SLC25A13: variants seen among roughly 807,000 people sequenced by gnomAD.
SLC25A13 encodes solute carrier family 25 member 13, also known as electrogenic aspartate/glutamate antiporter SLC25A13, mitochondrial.
SLC25A13 carries 70 observed loss-of-function variants against 85.5 expected under a neutral mutation model. The ratio of observed to expected loss-of-function variants is 0.82; its 90% CI spans 0.68 to 1.00. SLC25A13 has a LOEUF of 1.00. SLC25A13 is among the 50% of genes least tolerant of loss of function. The pLI is 0.00. For synonymous variants in SLC25A13, 259 were observed against 288.7 expected, an observed-to-expected ratio of 0.90 and a Z score of 1.04; for missense variants, 765 against 819.8, an observed-to-expected ratio of 0.93 and a Z score of 0.82.
In SLC25A13 at chr7:96,144,418, G is replaced by T. The variant is rs76207115; in HGVS notation, c.1452+2138C>A. On this transcript the variant is annotated intron_variant, in intron 14 of 17. Coordinates refer to ENST00000265631, the MANE Select transcript of SLC25A13 (RefSeq NM_014251.3). The stretch of plus-strand genomic sequence containing the variant: ...GTCACTTTCTTGCAACAAAATCAAG[G>T]TTCCAGAAGCTCAAAGCATTACTGA... Among the ~76,000 whole-genome samples the T allele has an allele frequency of 6.2e-3, 945 of 152,226 alleles. 9 individuals carry two copies. Among genetic ancestry groups the T allele is most frequent in the African/African-American group, 0.022 (907 of 41,528 alleles).
chr7:96,188,125 G>T (rs1328883350), intron 9 of SLC25A13, among the ~76,000 whole-genome samples: 2 of 152,136 alleles, frequency 1.3e-5, no homozygotes, highest in East Asian at 3.9e-4. Context: ...ACAATAGCTG[G>T]TGGCATACAG....
At chr7:96,157,419 C>T (rs1391620612) in intron 13 of SLC25A13, among the ~76,000 whole-genome samples, 7 of 152,166 alleles carry the variant, frequency 4.6e-5, no homozygotes, top group Admixed American at 1.3e-4. Flanking sequence ...TTTTGCCACC[C>T]GAATCCCTCT....
chr7:96,219,650 C>T (rs763267624), intron 4 of SLC25A13: 2 of 533,422 alleles, frequency 3.7e-6, no homozygotes, highest in Admixed American at 1.9e-5. Context: ...AAGCCCCACA[C>T]CCAAAAATTA....
intron 11 of SLC25A13, among the ~76,000 whole-genome samples, chr7:96,177,753 A>G (rs1794279699): frequency 6.6e-6 from 1 of 152,110 alleles, no homozygotes; most frequent in African/African-American, 2.4e-5. Flanking sequence ...TCCTTCATGG[A>G]AACTGGAATC....
At chr7:96,156,917 A>T (rs980641695) in intron 13 of SLC25A13, among the ~76,000 whole-genome samples, 2 of 152,174 alleles carry the variant, frequency 1.3e-5, no homozygotes, top group African/African-American at 4.8e-5. Flanking sequence ...GGGCTTGCAA[A>T]ATAATTATAC....
chr7:96,183,385 T>G (rs1794494704), intron 11 of SLC25A13, among the ~76,000 whole-genome samples: 1 of 152,172 alleles, frequency 6.6e-6, no homozygotes, highest in Non-Finnish European at 1.5e-5. Flanking sequence ...GTCTGCCAGT[T>G]TCACCGTCCA....
rs529038801 is a variant in SLC25A13, at chr7:96,239,944, G to A, written c.213-5027C>T. Among the ~76,000 whole-genome samples the A allele has an allele frequency of 7.2e-5, 11 of 152,292 alleles. No individual in the cohort carries two copies. The East Asian group carries it at 1.9e-3, about 27-fold the overall frequency. On this transcript the variant is annotated intron_variant, in intron 3 of 17. Transcript: ENST00000265631. ...AAAATACTGGGCCAAAGAAGAAAGA[G>A]TTGAAAAGTGAATTGCATCTGTATG...
At chr7:96,171,629 G>T in intron 11 of SLC25A13, 105 bp from the exon 12 acceptor site, 1 of 964,906 alleles carries the variant, frequency 1.0e-6, no homozygotes, top group Non-Finnish European at 1.6e-6. Context: ...CTTAATCTCT[G>T]CTGCAATTTT....
intron 4 of SLC25A13, among the ~76,000 whole-genome samples, chr7:96,221,104 A>T (rs924010782): frequency 6.6e-6 from 1 of 152,158 alleles, no homozygotes; most frequent in Non-Finnish European, 1.5e-5. Flanking sequence ...TGATACTACT[A>T]TCTTTCAAAA....
chr7:96,314,285 T>C (rs1468277104), intron 1 of SLC25A13, among the ~76,000 whole-genome samples: 1 of 152,086 alleles, frequency 6.6e-6, no homozygotes, highest in Non-Finnish European at 1.5e-5. Flanking sequence ...CACAGGGTCA[T>C]GTGAGGCCAG....
rs1037190907 is a variant in SLC25A13, at chr7:96,146,664, A to G, written c.1344T>C (p.Pro448=). Residue 448 remains proline, a synonymous_variant, in exon 14 of 18, where the codon CCT becomes CCC. Transcript: ENST00000265631. ...AGGSQVIFTN[P]LEIVKIRLQV... ...GCAAACGGATCTTGACGATTTCTAA[A>G]GGATTTGTGAAAATCACCTGGGAGC... The G allele has an allele frequency of 5.0e-6, 8 of 1,614,034 alleles. No homozygotes were observed. The Admixed American group carries it at 1.0e-4, about 20-fold the overall frequency.
chr7:96,128,941 T>TCG (rs1554336587), intron 15 of SLC25A13, among the ~76,000 whole-genome samples: 44 of 98,432 alleles, frequency 4.5e-4, no homozygotes, highest in African/African-American at 1.9e-3. Flanking sequence ...CCTTGCTTGC[T>TCG]CTCTCTCTCT....
chr7:96,220,023 C>A (rs1796049167), intron 4 of SLC25A13, among the ~76,000 whole-genome samples: 1 of 152,114 alleles, frequency 6.6e-6, no homozygotes, highest in Non-Finnish European at 1.5e-5. Context: ...AAAAGTAGGT[C>A]AATTAAAATG....
At chr7:96,258,653 A>C (rs1294705898) in intron 3 of SLC25A13, among the ~76,000 whole-genome samples, 1 of 152,244 alleles carries the variant, frequency 6.6e-6, no homozygotes, top group Non-Finnish European at 1.5e-5. Context: ...AGTAATTTAT[A>C]GATTCAATGC....
At chr7:96,125,591 A>G (rs542985000) in intron 15 of SLC25A13, among the ~76,000 whole-genome samples, 1 of 152,244 alleles carries the variant, frequency 6.6e-6, no homozygotes, top group South Asian at 2.1e-4. Flanking sequence ...TGAGAAGTCA[A>G]TCTTCTATTG....
At chr7:96,147,391 A>T (rs1792852091) in intron 13 of SLC25A13, among the ~76,000 whole-genome samples, 1 of 152,230 alleles carries the variant, frequency 6.6e-6, no homozygotes, top group Admixed American at 6.5e-5. Context: ...CACTAAGTCA[A>T]TTACCAACCA....
intron 2 of SLC25A13, among the ~76,000 whole-genome samples, chr7:96,286,731 G>A (rs904099381): frequency 4.6e-5 from 7 of 152,182 alleles, no homozygotes; most frequent in African/African-American, 1.7e-4. Context: ...CCATGACACT[G>A]TATCTAGGTA....
intron 2 of SLC25A13, among the ~76,000 whole-genome samples, chr7:96,281,391 C>CAAAAAA (rs748690314): frequency 1.8e-5 from 1 of 57,112 alleles, no homozygotes; most frequent in Non-Finnish European, 3.6e-5. Context: ...AACTCCATCT[C>CAAAAAA]AAAAAAAAAA....
At chr7:96,251,231 A>G (rs1353551585) in intron 3 of SLC25A13, among the ~76,000 whole-genome samples, 2 of 152,262 alleles carry the variant, frequency 1.3e-5, no homozygotes, top group South Asian at 2.1e-4. Context: ...AAGAAGACCA[A>G]TGTCACCAGA....
Sources: gnomAD v4.1 joint callset for allele counts (sites outside exome capture counted in the v4.1 genomes callset) on GRCh38, gnomAD v4.1.1 for gene constraint, MANE v1.5 for transcripts, NCBI Gene and HGNC (gene_info 2026-07-23, HGNC 2026-07-21) for gene names.